ADCY8: variants seen among roughly 807,000 people sequenced by gnomAD.
ADCY8 encodes adenylate cyclase 8.
A neutral mutation model predicts 119.7 loss-of-function variants in ADCY8; 51 were observed. That is an observed-to-expected ratio of 0.43 (90% CI 0.34 to 0.54). The LOEUF is 0.54. ADCY8 is among the 20% of genes least tolerant of loss of function. The probability of loss-of-function intolerance (pLI) is 0.03; values close to 1 mark genes in which losing one functional copy is unlikely to be tolerated. For missense variants in ADCY8, 1,383 were observed against 1,598.8 expected (o/e 0.87, Z 2.30); for synonymous variants, 665 against 651.0 (o/e 1.02, Z -0.33).
At chr8:130,862,596 G>A (rs1198594710) in intron 9 of ADCY8, among the ~76,000 whole-genome samples, 2 of 152,054 alleles carry the variant, frequency 1.3e-5, no homozygotes, top group South Asian at 2.1e-4. Flanking sequence ...GTATTTTTTA[G>A]TAGAGACGGG....
rs200209983 is a variant in ADCY8 at position 130,875,886 on chromosome 8, C to T, written c.2110-7940G>A. Among the ~76,000 whole-genome samples, 4 of 151,968 alleles carry T rather than the reference C, an allele frequency of 2.6e-5. No homozygotes were observed. In the East Asian group the frequency reaches 7.7e-4, roughly 29 times the overall value. On this transcript the variant is annotated intron_variant, in intron 8 of 17. Transcript: ENST00000286355. ...ATCCTTGGTTTTATGTGGCTGCTAA[C>T]CGAAAAAAGAAATAACATTAAATGA...
At chr8:130,941,619 TC>T (rs1401840147) in intron 4 of ADCY8, among the ~76,000 whole-genome samples, 1 of 151,976 alleles carries the variant, frequency 6.6e-6, no homozygotes, top group African/African-American at 2.4e-5. Context: ...AAACCAACCC[TC>T]CTATTAGGAG....
At chr8:131,014,574 A>T (rs917725112) in intron 1 of ADCY8, among the ~76,000 whole-genome samples, 26 of 152,190 alleles carry the variant, frequency 1.7e-4, no homozygotes, top group African/African-American at 6.0e-4. Context: ...GTATTAACAC[A>T]GGATAAAATG....
intron 9 of ADCY8, among the ~76,000 whole-genome samples, chr8:130,855,662 T>C (rs2130345559): frequency 6.7e-6 from 1 of 148,244 alleles, no homozygotes; most frequent in Non-Finnish European, 1.5e-5. Context: ...CAGTGGCCCC[T>C]TCTCCTGTCC....
At chr8:130,858,933 C>A (rs188956154) in intron 9 of ADCY8, among the ~76,000 whole-genome samples, 2 of 146,154 alleles carry the variant, frequency 1.4e-5, no homozygotes, top group South Asian at 2.2e-4. Context: ...TGTGTGTATG[C>A]ATGTGTATGT....
At chr8:130,963,074 G>A (rs373483968) in intron 2 of ADCY8, among the ~76,000 whole-genome samples, 33 of 151,080 alleles carry the variant, frequency 2.2e-4, no homozygotes, top group African/African-American at 8.0e-4. Context: ...CACGCATTTG[G>A]TAAGTGCGTA....
chr8:131,017,989 C>T (rs1053854040), intron 1 of ADCY8, among the ~76,000 whole-genome samples: 21 of 152,078 alleles, frequency 1.4e-4, no homozygotes, highest in Middle Eastern at 3.4e-3. Flanking sequence ...TTACAAATGC[C>T]GAGTATAAAC....
intron 2 of ADCY8, among the ~76,000 whole-genome samples, chr8:130,982,517 T>C (rs1226641302): frequency 6.6e-6 from 1 of 152,186 alleles, no homozygotes; most frequent in African/African-American, 2.4e-5. Context: ...AAAACACTCC[T>C]GTGGGTTAGG....
chr8:130,901,601 GTC>G (rs373963231), intron 7 of ADCY8, among the ~76,000 whole-genome samples: 3 of 152,294 alleles, frequency 2.0e-5, no homozygotes, highest in African/African-American at 4.8e-5. Flanking sequence ...GACAAATTAT[GTC>G]TCTGAATTGC....
At position 130,913,880 on chromosome 8, in the gene ADCY8, C is replaced by G. The variant is rs77152984; in HGVS notation, c.1482-4014G>C. On this transcript the variant is annotated intron_variant, in intron 5 of 17. Transcript: ENST00000286355. ...TAGACAGCCAAGTTCTCATCTTGTT[C>G]CATCACTGACTGGCAACATGAACTT... 1.1e-4 allele frequency among the ~76,000 whole-genome samples: 16 copies of G among 152,184 alleles called. No individual in the cohort carries two copies. The East Asian group carries it at 2.9e-3, about 28-fold the overall frequency.
At chr8:130,962,338 G>T (rs1184657183) in intron 2 of ADCY8, among the ~76,000 whole-genome samples, 1 of 152,150 alleles carries the variant, frequency 6.6e-6, no homozygotes, top group African/African-American at 2.4e-5. Context: ...ACTCCTGCTG[G>T]GGCGCAATAT....
At chr8:131,016,782 C>A (rs888538063) in intron 1 of ADCY8, among the ~76,000 whole-genome samples, 3 of 152,074 alleles carry the variant, frequency 2.0e-5, no homozygotes, top group African/African-American at 7.2e-5. Context: ...GGGACACTGG[C>A]TCGACCCGGC....
chr8:130,875,854 G>A (rs1457547637), intron 8 of ADCY8, among the ~76,000 whole-genome samples: 1 of 152,292 alleles, frequency 6.6e-6, no homozygotes, highest in East Asian at 1.9e-4. Flanking sequence ...ATTCTCTTGT[G>A]TGGCAAATCC....
intron 2 of ADCY8, among the ~76,000 whole-genome samples, chr8:130,955,588 A>T (rs1821402472): frequency 6.6e-6 from 1 of 152,172 alleles, no homozygotes; most frequent in Non-Finnish European, 1.5e-5. Context: ...ATAAAAATAA[A>T]ACAGAATAGT....
At chr8:130,846,473 T>A (rs1478036635) in intron 11 of ADCY8, among the ~76,000 whole-genome samples, 1 of 152,070 alleles carries the variant, frequency 6.6e-6, no homozygotes, top group African/African-American at 2.4e-5. Flanking sequence ...TCTAATTTTC[T>A]GCCTTTGTAA....
chr8:130,880,577 A>C (rs1179194702), intron 8 of ADCY8, among the ~76,000 whole-genome samples: 1 of 152,196 alleles, frequency 6.6e-6, no homozygotes, highest in Non-Finnish European at 1.5e-5. Flanking sequence ...CATCTGGGAA[A>C]TGTGGGAAGA....
At chr8:130,985,990 A>C (rs766249188) in intron 2 of ADCY8, among the ~76,000 whole-genome samples, 33 of 152,226 alleles carry the variant, frequency 2.2e-4, no homozygotes, top group Non-Finnish European at 3.8e-4. Flanking sequence ...AGGTTTATAC[A>C]ATTCTCCAAG....
At chr8:131,001,790 T>G (rs1822956639) in intron 1 of ADCY8, among the ~76,000 whole-genome samples, 1 of 152,166 alleles carries the variant, frequency 6.6e-6, no homozygotes, top group Non-Finnish European at 1.5e-5. Flanking sequence ...CCATGGATGT[T>G]CTTCCTCCAG....
chr8:130,931,646 C>G, intron 5 of ADCY8, among the ~76,000 whole-genome samples: 1 of 151,698 alleles, frequency 6.6e-6, no homozygotes, highest in East Asian at 1.9e-4. Context: ...ATTCTTTTTT[C>G]TTCTTTGACT....
Sources: allele counts gnomAD v4.1 joint callset (sites outside exome capture counted in the v4.1 genomes callset), GRCh38; gene constraint gnomAD v4.1.1; transcripts MANE v1.5; gene names NCBI Gene and HGNC (gene_info 2026-07-23, HGNC 2026-07-21).